The following EBPL variants were observed in gnomAD, a reference collection of about 807,000 sequenced individuals.
EBPL encodes the protein EBP like.
In EBPL, 20 loss-of-function variants were observed where a neutral mutation model predicts 19.0. The ratio of observed to expected loss-of-function variants is 1.05; its 90% CI spans 0.74 to 1.53. The LOEUF (loss-of-function observed/expected upper bound fraction) is 1.53, where lower values mean the gene tolerates loss of function less well. Ranked by LOEUF, EBPL falls within the 40% of genes most tolerant of loss-of-function variation. The pLI is 0.00. For synonymous variants in EBPL, 107 were observed against 117.0 expected (o/e 0.91, Z 0.55); for missense variants, 219 against 261.1 (o/e 0.84, Z 1.11).
intron 1 of EBPL, among the ~76,000 whole-genome samples, chr13:49,690,612 T>A (rs1954052507): frequency 6.6e-6 from 1 of 152,196 alleles, no homozygotes; most frequent in Non-Finnish European, 1.5e-5. Context: ...CCTCGACTGA[T>A]ACACAGAGTG....
intron 1 of EBPL, among the ~76,000 whole-genome samples, chr13:49,688,364 C>G (rs938228148): frequency 6.6e-6 from 1 of 152,020 alleles, no homozygotes; most frequent in Non-Finnish European, 1.5e-5. Flanking sequence ...TGAAACTGTC[C>G]AACAGGATAG....
At position 49,691,348 on chromosome 13, in the gene EBPL, C is replaced by A; in HGVS notation, c.77G>T (p.Cys26Phe). 1 of 1,356,630 alleles carries A rather than the reference C, an allele frequency of 7.4e-7. No individual in the cohort carries two copies. Among genetic ancestry groups the A allele is most frequent in the Admixed American group, 3.1e-5 (1 of 31,882 alleles). The allele number at this position is 1,356,630 out of a possible 1,614,324, so 84.0% of individuals were successfully genotyped here. A position where few individuals can be genotyped will look rare whatever the true frequency, so the allele number is the denominator to read the frequency against. ...LLCAALLAAG[C>F]ALGLRLGRGQ... The stretch of plus-strand genomic sequence containing the variant: ...GCGGCCCAGGCGCAGGCCCAGGGCG[C>A]AGCCCGCCGCCAGCAGCGCGGCGCA... Residue 26 changes from cysteine to phenylalanine, a missense_variant, in exon 1 of 4, where the codon TGC (cysteine) becomes TTC (phenylalanine). Physicochemically the swap from Cys to Phe is radical, Grantham distance 205. This residue lies in a region of EBPL where 170 missense variants were observed against 167.0 expected (regional missense o/e 1.02). Transcript: ENST00000242827.
chr13:49,669,401 T>C (rs1213267697), intron 2 of EBPL, among the ~76,000 whole-genome samples: 1 of 152,186 alleles, frequency 6.6e-6, no homozygotes, highest in Non-Finnish European at 1.5e-5. Flanking sequence ...AGGGTCTTGC[T>C]ATGTTGCCCA....
chr13:49,683,741 C>T (rs375127453), intron 1 of EBPL, among the ~76,000 whole-genome samples: 15 of 152,166 alleles, frequency 9.9e-5, no homozygotes, highest in South Asian at 2.1e-4. Flanking sequence ...AACAGGAACT[C>T]GCACACAATG....
intron 2 of EBPL, among the ~76,000 whole-genome samples, chr13:49,666,427 C>T (rs773058093): frequency 6.6e-6 from 1 of 151,990 alleles, no homozygotes; most frequent in Non-Finnish European, 1.5e-5. Context: ...ATACTGAATC[C>T]CAGCCAGGGA....
chr13:49,667,709 T>C (rs1304891213), intron 2 of EBPL, among the ~76,000 whole-genome samples: 1 of 152,208 alleles, frequency 6.6e-6, no homozygotes, highest in Non-Finnish European at 1.5e-5. Context: ...AAATTCAAAC[T>C]CCTGGGCTCA....
chr13:49,679,840 C>T (rs1953922807), intron 1 of EBPL, among the ~76,000 whole-genome samples: 1 of 152,072 alleles, frequency 6.6e-6, no homozygotes, highest in African/African-American at 2.4e-5. Context: ...ACTTTCACCT[C>T]TCCGGGCTTA....
At chr13:49,664,934 A>G (rs1160725614) in intron 2 of EBPL, among the ~76,000 whole-genome samples, 2 of 152,056 alleles carry the variant, frequency 1.3e-5, no homozygotes, top group Non-Finnish European at 2.9e-5. Context: ...GACTGTCTGC[A>G]GTCTCCTGTG....
chr13:49,684,029 GA>G (rs1353630653), intron 1 of EBPL, among the ~76,000 whole-genome samples: 1 of 152,184 alleles, frequency 6.6e-6, no homozygotes, highest in Non-Finnish European at 1.5e-5. Context: ...ATGTATGTAT[GA>G]TTTCATTTTT....
chr13:49,678,848 C>A (rs1207076503), intron 1 of EBPL, among the ~76,000 whole-genome samples: 1 of 151,180 alleles, frequency 6.6e-6, no homozygotes, highest in Non-Finnish European at 1.5e-5. Flanking sequence ...TTAAAAAATA[C>A]AAAAAAATAA....
chr13:49,690,556 A>G (rs952425560), intron 1 of EBPL, among the ~76,000 whole-genome samples: 1 of 151,922 alleles, frequency 6.6e-6, no homozygotes, highest in African/African-American at 2.4e-5. Context: ...CTTCCTGGCT[A>G]TTTTATAAAA....
At chr13:49,684,446 G>C (rs1279027180) in intron 1 of EBPL, among the ~76,000 whole-genome samples, 1 of 152,202 alleles carries the variant, frequency 6.6e-6, no homozygotes, top group African/African-American at 2.4e-5. Context: ...CGAGGCAGCT[G>C]GATCACTTGA....
At chr13:49,670,591 A>C (rs1217553333) in intron 1 of EBPL, among the ~76,000 whole-genome samples, 1 of 152,078 alleles carries the variant, frequency 6.6e-6, no homozygotes, top group Non-Finnish European at 1.5e-5. Flanking sequence ...AGAGGTCACC[A>C]CTCTCAATCA....
At chr13:49,690,464 AACTT>A (rs1189007546) in intron 1 of EBPL, among the ~76,000 whole-genome samples, 1 of 151,318 alleles carries the variant, frequency 6.6e-6, no homozygotes, top group African/African-American at 2.4e-5. Context: ...GTTTAAAAAA[AACTT>A]AAAAGTGTGT....
At chr13:49,688,271 ACTG>A (rs1408496346) in intron 1 of EBPL, among the ~76,000 whole-genome samples, 2 of 152,178 alleles carry the variant, frequency 1.3e-5, no homozygotes, top group African/African-American at 4.8e-5. Context: ...AACGAGCTGA[ACTG>A]ATGACCAGTG....
chr13:49,690,491 G>A (rs1396908733), intron 1 of EBPL, among the ~76,000 whole-genome samples: 2 of 64,588 alleles, frequency 3.1e-5, no homozygotes, highest in Non-Finnish European at 8.5e-5. Context: ...GTGTGTGTGC[G>A]TGCGCGTGTG....
At chr13:49,665,433 G>A (rs908538169) in intron 2 of EBPL, among the ~76,000 whole-genome samples, 3 of 152,154 alleles carry the variant, frequency 2.0e-5, no homozygotes, top group Non-Finnish European at 2.9e-5. Context: ...CACCATGCCC[G>A]GCTAATTTTG....
At chr13:49,688,762 C>A (rs1272746554) in intron 1 of EBPL, among the ~76,000 whole-genome samples, 2 of 150,520 alleles carry the variant, frequency 1.3e-5, no homozygotes, top group Non-Finnish European at 2.9e-5. Context: ...TAAGGAGAGG[C>A]AACTCATCTT....
Position 49,673,261 on chromosome 13 carries a change from C to G in EBPL, c.172-3415G>C, listed in dbSNP as rs115068301. 1.7e-3 allele frequency among the ~76,000 whole-genome samples: 262 copies of G among 152,152 alleles called. 1 individual carries two copies. Among genetic ancestry groups the G allele is most frequent in the African/African-American group, 6.1e-3 (252 of 41,504 alleles). On this transcript the variant is annotated intron_variant, in intron 1 of 3. Coordinates refer to ENST00000242827, the MANE Select transcript of EBPL (RefSeq NM_032565.5). ...TCTTCTAAAACTAAATATGCAATGACCATACGACCCAGCAATTCCACAGTT... is the reference window on the plus strand; with the variant it reads ...TCTTCTAAAACTAAATATGCAATGAGCATACGACCCAGCAATTCCACAGTT...
Sources: gnomAD v4.1 joint callset for allele counts (sites outside exome capture counted in the v4.1 genomes callset) on GRCh38, gnomAD v4.1.1 for gene constraint, gnomAD v4.1.1 regional missense constraint, MANE v1.5 for transcripts, NCBI Gene and HGNC (gene_info 2026-07-23, HGNC 2026-07-21) for gene names.